PCDHGA2: variants seen among roughly 807,000 people sequenced by gnomAD.
PCDHGA2 encodes protocadherin gamma subfamily A, 2.
In PCDHGA2, 40 loss-of-function variants were observed where a neutral mutation model predicts 59.2. That is an observed-to-expected ratio of 0.68 (90% CI 0.52 to 0.88). The LOEUF (loss-of-function observed/expected upper bound fraction) is 0.88, where lower values mean the gene tolerates loss of function less well. Ranked by LOEUF, PCDHGA2 falls within the 40% of genes least tolerant of loss-of-function variation. PCDHGA2 has a pLI of 0.00. For missense variants in PCDHGA2, 1,226 were observed against 1,204.0 expected (o/e 1.02, Z -0.27); for synonymous variants, 560 against 526.0 (o/e 1.06, Z -0.89).
rs1408248560 is a variant in PCDHGA2 at position 141,475,829 on chromosome 5, G to C, written c.2425-18978G>C. On this transcript the variant is annotated intron_variant, in intron 1 of 3. Coordinates refer to ENST00000394576, the MANE Select transcript of PCDHGA2 (RefSeq NM_018915.4). ...AAAGTGAAGTTCCTGGCGCTAGCGC[G>C]TGTCCTGCTCAGAGAGCCCGGCGCT... The C allele has an allele frequency of 1.0e-5, 4 of 386,748 alleles. No individual in the cohort carries two copies. In the South Asian group the frequency reaches 1.4e-4, roughly 14 times the overall value. The allele number at this position is 386,748 out of a possible 1,614,324, so 24.0% of individuals were successfully genotyped here. A position where few individuals can be genotyped will look rare whatever the true frequency, so the allele number is the denominator to read the frequency against.
At position 141,366,206 on chromosome 5, in the gene PCDHGA2, G is replaced by A. The variant is rs200201332; in HGVS notation, c.2424+24811G>A. ...TGCGGTTGGGCTGCACACGGGCGAG[G>A]TGCGCACAGCGCGAGCCCTGCTGGA... On this transcript the variant is annotated intron_variant, in intron 1 of 3. Coordinates refer to ENST00000394576, the MANE Select transcript of PCDHGA2 (RefSeq NM_018915.4). 1.5e-4 allele frequency: 235 copies of A among 1,613,848 alleles called. No individual in the cohort carries two copies. The African/African-American group carries it at 2.7e-3, about 18-fold the overall frequency.
In PCDHGA2 at chr5:141,485,520, T is replaced by G. The variant is rs2099615008; in HGVS notation, c.2425-9287T>G. On this transcript the variant is annotated intron_variant, in intron 1 of 3. Transcript: ENST00000394576. This position sits in a 1 kb window ranked among gnomAD's most constrained non-coding sequence, Gnocchi z 5.7. ...TTTGTCACCGAAGGTCCTTTGGAAA[T>G]GTACCGAGCAGAGGTAGAGATCGTA... 1 of 1,614,108 alleles carries G rather than the reference T, an allele frequency of 6.2e-7. No homozygotes were observed. The highest frequency in any genetic ancestry group is 8.5e-7 in the Non-Finnish European group (1 of 1,180,012).
At chr5:141,391,495 A>G (rs962883294) in intron 1 of PCDHGA2, 2 of 152,136 alleles carry the variant, frequency 1.3e-5, no homozygotes, top group Non-Finnish European at 2.9e-5. Context: ...TGTTTTCAGT[A>G]GAGAAAATAT....
chr5:141,485,434 G>A lies in PCDHGA2; in HGVS notation c.2425-9373G>A. The A allele has an allele frequency of 6.2e-7, 1 of 1,614,166 alleles. No individual in the cohort carries two copies. The highest frequency in any genetic ancestry group is 8.5e-7 in the Non-Finnish European group (1 of 1,180,018). On this transcript the variant is annotated intron_variant, in intron 1 of 3. Coordinates refer to ENST00000394576, the MANE Select transcript of PCDHGA2 (RefSeq NM_018915.4). This position sits in a 1 kb window ranked among gnomAD's most constrained non-coding sequence, Gnocchi z 5.7. ...TGGACAGCGGAGCCCTGCTCATCAA[G>A]AACCCAATCGACCGAGAGGCACTGT...
intron 1 of PCDHGA2, chr5:141,372,029 C>A (rs576761049): frequency 2.7e-5 from 43 of 1,613,324 alleles, no homozygotes; most frequent in Non-Finnish European, 3.2e-5. Context: ...TCAGCGCCAA[C>A]GTGAGCCTGC....
At chr5:141,475,657 C>T (rs2099366732) in intron 1 of PCDHGA2, among the ~76,000 whole-genome samples, 1 of 152,204 alleles carries the variant, frequency 6.6e-6, no homozygotes, top group Non-Finnish European at 1.5e-5. Flanking sequence ...GAAAGTGATT[C>T]AAATGTTTAA....
At chr5:141,355,688 G>C (rs751731556) in intron 1 of PCDHGA2, 1 of 1,613,990 alleles carries the variant, frequency 6.2e-7, no homozygotes, top group Non-Finnish European at 8.5e-7. Flanking sequence ...CCGGATGTAG[G>C]TGTAAACTCC....
rs772255956 is a variant in PCDHGA2 at position 141,361,360 on chromosome 5, G to A, written c.2424+19965G>A. Reference sequence around the variant, plus strand: ...CTATTACAAACTAGTGACAGACGGCGCTCTGGACCGGGAGGAGATCCCAGA... The same window carrying A: ...CTATTACAAACTAGTGACAGACGGCACTCTGGACCGGGAGGAGATCCCAGA... On this transcript the variant is annotated intron_variant, in intron 1 of 3. Transcript: ENST00000394576. 3.1e-6 allele frequency: 5 copies of A among 1,613,944 alleles called. No homozygotes were observed. In the East Asian group the frequency reaches 1.1e-4, roughly 36 times the overall value.
intron 2 of PCDHGA2, among the ~76,000 whole-genome samples, chr5:141,501,290 T>TACACACACACACAC (rs55762287): frequency 7.3e-6 from 1 of 136,164 alleles, no homozygotes; most frequent in Non-Finnish European, 1.6e-5. Context: ...TATTCCCTTA[T>TACACACACACACAC]ACACACACAC....
In PCDHGA2 at chr5:141,476,584, C is replaced by G. The variant is rs140544807; in HGVS notation, c.2425-18223C>G. ...TGGCTCCGGGGACGCGCTTTCCGCTCGAGAGCGCGCACGATCCCGATGTGG... is the reference window on the plus strand; with the variant it reads ...TGGCTCCGGGGACGCGCTTTCCGCTGGAGAGCGCGCACGATCCCGATGTGG... On this transcript the variant is annotated intron_variant, in intron 1 of 3. Coordinates refer to ENST00000394576, the MANE Select transcript of PCDHGA2 (RefSeq NM_018915.4). This position sits in a 1 kb window ranked among gnomAD's most constrained non-coding sequence, Gnocchi z 7.6. 1.2e-5 allele frequency: 19 copies of G among 1,614,100 alleles called. No homozygotes were observed. The African/African-American group carries it at 2.3e-4, about 19-fold the overall frequency.
chr5:141,425,486 C>T (rs2096878743), intron 1 of PCDHGA2, among the ~76,000 whole-genome samples: 1 of 152,236 alleles, frequency 6.6e-6, no homozygotes, highest in African/African-American at 2.4e-5. Context: ...TGGCAACCTA[C>T]TAGGCTATAC....
intron 1 of PCDHGA2, chr5:141,384,203 A>T (rs568171038): frequency 6.2e-7 from 1 of 1,613,900 alleles, no homozygotes; most frequent in African/African-American, 1.3e-5. Context: ...TTGTCCAGGG[A>T]AACTCACATA....
intron 1 of PCDHGA2, chr5:141,405,386 T>C (rs2094651618): frequency 6.9e-6 from 11 of 1,595,500 alleles, no homozygotes; most frequent in Non-Finnish European, 7.7e-6. Flanking sequence ...GGTGAGTTCA[T>C]TTTTTTTCTT....
Position 141,372,073 on chromosome 5 carries a change from C to G in PCDHGA2, c.2424+30678C>G, listed in dbSNP as rs774208540. ...GTGGACGACCGCAACGACAATGCACCGCTGGTGCTGTACCCAGCTCTGGGG... is the reference window on the plus strand; with the variant it reads ...GTGGACGACCGCAACGACAATGCACGGCTGGTGCTGTACCCAGCTCTGGGG... On this transcript the variant is annotated intron_variant, in intron 1 of 3. Transcript: ENST00000394576. 4 of 1,613,648 alleles carry G rather than the reference C, an allele frequency of 2.5e-6. No individual in the cohort carries two copies. The South Asian group carries it at 4.4e-5, about 18-fold the overall frequency.
Position 141,489,090 on chromosome 5 carries a change from C to CAAA in PCDHGA2, c.2425-5717_2425-5716insAAA. ...CCTGCCCACCCCCGCCACTCGGTGA[C>CAAA]TAAGAACTGCTGCAAGCAGGCAAAC... is the stretch of plus-strand genomic sequence containing the variant. On this transcript the variant is annotated intron_variant, in intron 1 of 3. Transcript: ENST00000394576. The surrounding 1 kb of genome is among the most constrained non-coding windows in gnomAD (Gnocchi z 4.5). 7 of 328,768 alleles carry CAAA rather than the reference C, an allele frequency of 2.1e-5. No homozygotes were observed. The highest frequency in any genetic ancestry group is 6.1e-5 in the Admixed American group (1 of 16,494). The allele number at this position is 328,768 out of a possible 1,614,324, so 20.4% of individuals were successfully genotyped here. A position where few individuals can be genotyped will look rare whatever the true frequency, so the allele number is the denominator to read the frequency against.
chr5:141,432,395 G>C lies in PCDHGA2; in HGVS notation c.2425-62412G>C, dbSNP rs748660079. The C allele has an allele frequency of 1.2e-6, 2 of 1,614,242 alleles. No homozygotes were observed. The highest frequency in any genetic ancestry group is 4.5e-5 in the East Asian group (2 of 44,882). On this transcript the variant is annotated intron_variant, in intron 1 of 3. Coordinates refer to ENST00000394576, the MANE Select transcript of PCDHGA2 (RefSeq NM_018915.4). The surrounding 1 kb of genome is among the most constrained non-coding windows in gnomAD (Gnocchi z 6.0). The stretch of plus-strand genomic sequence containing the variant: ...CGGGCACCCGCCCCTCAGCAGCAAC[G>C]TGTCGTTGAGCCTGTTCGTGCTGGA...
intron 1 of PCDHGA2, chr5:141,342,059 T>A (rs1488472672): frequency 6.6e-6 from 1 of 152,610 alleles, no homozygotes; most frequent in Non-Finnish European, 1.5e-5. Flanking sequence ...AGTGACTGAC[T>A]TATCATCTGC....
chr5:141,415,167 C>T (rs769256903), intron 1 of PCDHGA2: 3 of 1,613,894 alleles, frequency 1.9e-6, no homozygotes, highest in Admixed American at 3.3e-5. Flanking sequence ...CTGTCACGCT[C>T]ACCGTGGCCG....
intron 1 of PCDHGA2, chr5:141,409,468 C>A: frequency 2.5e-6 from 4 of 1,613,948 alleles, no homozygotes; most frequent in Non-Finnish European, 3.4e-6. Context: ...ATGTCACCAT[C>A]GTAGCCACTG....
Sources: gnomAD v4.1 joint callset for allele counts (sites outside exome capture counted in the v4.1 genomes callset) on GRCh38, gnomAD v4.1.1 for gene constraint, Gnocchi (gnomAD v3.1) non-coding constraint, MANE v1.5 for transcripts, NCBI Gene and HGNC (gene_info 2026-07-23, HGNC 2026-07-21) for gene names.